The following SUGCT variants were observed in gnomAD, a reference collection of about 807,000 sequenced individuals.
SUGCT encodes succinyl-CoA:glutarate-CoA transferase.
Under a neutral mutation model 55.0 loss-of-function variants are expected in SUGCT, and 41 were observed. That is an observed-to-expected ratio of 0.74 (90% CI 0.58 to 0.97). SUGCT has a LOEUF of 0.97. Among genes scored for constraint, SUGCT ranks in the 50% least tolerant of loss-of-function variants. The pLI is 0.00. For missense variants in SUGCT, 568 were observed against 547.8 expected (o/e 1.04, Z -0.37); for synonymous variants, 187 against 200.4 (o/e 0.93, Z 0.56).
chr7:40,218,578 A>G (rs1787812107), intron 6 of SUGCT, among the ~76,000 whole-genome samples: 1 of 151,444 alleles, frequency 6.6e-6, no homozygotes, highest in African/African-American at 2.4e-5. Flanking sequence ...GTTTGTAAAC[A>G]CACCAATCAG....
the SUGCT span, among the ~76,000 whole-genome samples, chr7:40,896,300 A>G: frequency 6.6e-6 from 1 of 152,238 alleles, no homozygotes; most frequent in Non-Finnish European, 1.5e-5. Context: ...TGAAACATCT[A>G]TACACTGAAA....
At chr7:40,903,955 A>C in the SUGCT span, among the ~76,000 whole-genome samples, 1 of 152,184 alleles carries the variant, frequency 6.6e-6, no homozygotes, top group Admixed American at 6.5e-5. Flanking sequence ...AAGAAAGATG[A>C]ACCTCTTGGA....
intron 12 of SUGCT, among the ~76,000 whole-genome samples, chr7:40,613,776 A>C (rs534471012): frequency 6.6e-6 from 1 of 152,052 alleles, no homozygotes; most frequent in Admixed American, 6.5e-5. Flanking sequence ...ACGCCCAGCT[A>C]ATTTTGTATT....
chr7:40,584,331 G>A (rs116248445), intron 12 of SUGCT, among the ~76,000 whole-genome samples: 179 of 152,250 alleles, frequency 1.2e-3, no homozygotes, highest in African/African-American at 4.2e-3. Context: ...TTTAAATTTA[G>A]TTAATGACAT....
intron 13 of SUGCT, among the ~76,000 whole-genome samples, chr7:40,854,433 T>TTTCC (rs1351924185): frequency 1.4e-5 from 2 of 142,968 alleles, no homozygotes; most frequent in African/African-American, 5.5e-5. Flanking sequence ...TCTTTCTTTC[T>TTTCC]TTCTTTCTTT....
chr7:40,302,699 C>G (rs1011891502), intron 8 of SUGCT, among the ~76,000 whole-genome samples: 1 of 152,088 alleles, frequency 6.6e-6, no homozygotes, highest in Non-Finnish European at 1.5e-5. Flanking sequence ...TAGACCAGGC[C>G]CACTCAAGAT....
chr7:40,903,506 G>A, the SUGCT span, among the ~76,000 whole-genome samples: 10 of 152,292 alleles, frequency 6.6e-5, no homozygotes, highest in South Asian at 2.1e-4. Context: ...TTCCTTGGCC[G>A]TCGTTGGAAG....
At chr7:40,854,416 T>TTTC (rs1794033554) in intron 13 of SUGCT, among the ~76,000 whole-genome samples, 2 of 59,428 alleles carry the variant, frequency 3.4e-5, no homozygotes, top group African/African-American at 1.1e-4. Context: ...TCTTTCTTTC[T>TTTC]TTCCTTTCTT....
intron 8 of SUGCT, among the ~76,000 whole-genome samples, chr7:40,280,371 C>T (rs927932565): frequency 2.0e-5 from 3 of 152,106 alleles, no homozygotes; most frequent in Non-Finnish European, 2.9e-5. Context: ...AACAAGGAAG[C>T]GGGTTTGGAT....
At chr7:40,613,262 G>A (rs191805083) in intron 12 of SUGCT, among the ~76,000 whole-genome samples, 38 of 152,304 alleles carry the variant, frequency 2.5e-4, no homozygotes, top group East Asian at 3.9e-4. Flanking sequence ...GGTGGGGGCC[G>A]TCACCATGAG....
chr7:40,315,827 A>T (rs1439458472), intron 8 of SUGCT, among the ~76,000 whole-genome samples: 3 of 152,080 alleles, frequency 2.0e-5, no homozygotes, highest in Non-Finnish European at 4.4e-5. Flanking sequence ...ACCACTTTTT[A>T]TTCTTTTCTG....
the SUGCT span, chr7:40,966,764 C>T: frequency 3.3e-5 from 5 of 152,090 alleles, no homozygotes; most frequent in East Asian, 3.9e-4. Flanking sequence ...CAAGCTAGAC[C>T]GATAGAAGCT....
At chr7:40,388,435 G>A (rs529263145) in intron 9 of SUGCT, among the ~76,000 whole-genome samples, 1 of 151,992 alleles carries the variant, frequency 6.6e-6, no homozygotes, top group East Asian at 1.9e-4. Flanking sequence ...ATTTATTTTT[G>A]GAGACAGTCT....
At chr7:40,553,761 G>A (rs1795425357) in intron 12 of SUGCT, among the ~76,000 whole-genome samples, 1 of 152,166 alleles carries the variant, frequency 6.6e-6, no homozygotes, top group Admixed American at 6.5e-5. Flanking sequence ...CAAATGTTCT[G>A]TTTTCTTTCT....
intron 13 of SUGCT, among the ~76,000 whole-genome samples, chr7:40,784,617 G>T (rs1584437001): frequency 6.6e-6 from 1 of 152,242 alleles, no homozygotes; most frequent in East Asian, 1.9e-4. Flanking sequence ...GACTGGGGAA[G>T]AAATAACTTT....
intron 11 of SUGCT, among the ~76,000 whole-genome samples, chr7:40,462,609 G>C (rs1231276803): frequency 6.6e-6 from 1 of 152,152 alleles, no homozygotes. Context: ...AGGAAGACCA[G>C]AGGGCCAGGT....
At chr7:40,207,810 T>C (rs1248983667) in intron 6 of SUGCT, among the ~76,000 whole-genome samples, 1 of 151,928 alleles carries the variant, frequency 6.6e-6, no homozygotes, top group Non-Finnish European at 1.5e-5. Flanking sequence ...AAAAAAATTA[T>C]ACACAGAATT....
chr7:40,894,228 A>G, the SUGCT span, among the ~76,000 whole-genome samples: 61 of 152,310 alleles, frequency 4.0e-4, no homozygotes, highest in African/African-American at 1.4e-3. Flanking sequence ...AAGCATTGGG[A>G]GAAAGGGATC....
intron 9 of SUGCT, among the ~76,000 whole-genome samples, chr7:40,421,618 G>A (rs1300849726): frequency 6.6e-6 from 1 of 152,114 alleles, no homozygotes; most frequent in Non-Finnish European, 1.5e-5. Flanking sequence ...AGTGGGCATG[G>A]CCCCTACTTT....
Sources: allele counts gnomAD v4.1 joint callset (sites outside exome capture counted in the v4.1 genomes callset), GRCh38; gene constraint gnomAD v4.1.1; transcripts MANE v1.5; gene names NCBI Gene and HGNC (gene_info 2026-07-23, HGNC 2026-07-21).